The following ABCC9 variants were observed in gnomAD, a reference collection of about 807,000 sequenced individuals.
The protein encoded by ABCC9 is ATP binding cassette subfamily C member 9.
ABCC9 carries 95 observed loss-of-function variants against 188.3 expected under a neutral mutation model. The observed-to-expected ratio is 0.50, with a 90% CI of 0.43 to 0.60. The LOEUF (loss-of-function observed/expected upper bound fraction) is 0.60, where lower values mean the gene tolerates loss of function less well. Among genes scored for constraint, ABCC9 ranks in the 20% least tolerant of loss-of-function variants. The pLI, the probability that ABCC9 is intolerant of heterozygous loss-of-function variation, is 0.00. For synonymous variants in ABCC9, 659 were observed against 652.7 expected (o/e 1.01, Z -0.15); for missense variants, 1,102 against 1,876.3 (o/e 0.59, Z 7.62).
chr12:21,904,142 G>A, intron 12 of ABCC9, among the ~76,000 whole-genome samples: 1 of 148,292 alleles, frequency 6.7e-6, no homozygotes, highest in Non-Finnish European at 1.5e-5. Context: ...GCAACCATCT[G>A]ATCTTTGACA....
chr12:21,879,861 A>G (rs182798189), intron 16 of ABCC9, among the ~76,000 whole-genome samples: 29 of 152,180 alleles, frequency 1.9e-4, no homozygotes, highest in African/African-American at 7.0e-4. Flanking sequence ...AGGAAAAAAA[A>G]TCCAGTTATA....
At chr12:21,826,842 C>A (rs1268232665) in intron 31 of ABCC9, among the ~76,000 whole-genome samples, 1 of 152,026 alleles carries the variant, frequency 6.6e-6, no homozygotes, top group African/African-American at 2.4e-5. Flanking sequence ...ATATCTTTGC[C>A]CATCGGAAAT....
chr12:21,807,599 G>A (rs1469752336), intron 37 of ABCC9, 120 bp from the exon 38 acceptor site: 6 of 1,358,650 alleles, frequency 4.4e-6, no homozygotes, highest in Non-Finnish European at 6.2e-6. Context: ...CTTAGTGCTG[G>A]TGCAAGGACT....
chr12:21,876,192 AAGG>A (rs1278781842), intron 16 of ABCC9, among the ~76,000 whole-genome samples: 3 of 152,214 alleles, frequency 2.0e-5, no homozygotes, highest in African/African-American at 2.4e-5. Context: ...ATGAAAGTGA[AAGG>A]AGGGTCTTTA....
At chr12:21,825,768 T>C (rs1274443125) in intron 31 of ABCC9, among the ~76,000 whole-genome samples, 1 of 152,160 alleles carries the variant, frequency 6.6e-6, no homozygotes, top group African/African-American at 2.4e-5. Context: ...GTTCTGCGTA[T>C]GTATCCCAGA....
chr12:21,933,663 G>T (rs1485909089), intron 4 of ABCC9, 119 bp downstream of exon 4: 2 of 1,161,190 alleles, frequency 1.7e-6, no homozygotes, highest in African/African-American at 1.5e-5. Context: ...GAGCTACATG[G>T]ATCAGAGAGC....
chr12:21,802,709 G>A (rs1941541674), intron 39 of ABCC9, among the ~76,000 whole-genome samples: 1 of 152,096 alleles, frequency 6.6e-6, no homozygotes, highest in South Asian at 2.1e-4. Flanking sequence ...TGTGCTGATG[G>A]GAGTCCCTGT....
chr12:21,831,047 C>T (rs1247033506), intron 30 of ABCC9: 8 of 150,494 alleles, frequency 5.3e-5, no homozygotes, highest in South Asian at 2.1e-4. Flanking sequence ...TACACACACG[C>T]AAGGCTCATT....
intron 19 of ABCC9, among the ~76,000 whole-genome samples, chr12:21,863,795 C>A (rs1592100603): frequency 6.6e-6 from 1 of 152,012 alleles, no homozygotes; most frequent in African/African-American, 2.4e-5. Context: ...ACAGTTAGTT[C>A]ATGATCTGTA....
At chr12:21,857,656 G>A (rs111385364) in intron 22 of ABCC9, among the ~76,000 whole-genome samples, 11 of 152,176 alleles carry the variant, frequency 7.2e-5, no homozygotes, top group African/African-American at 1.7e-4. Flanking sequence ...AAACTTTCCC[G>A]GCTGTGAAGA....
At chr12:21,939,239 C>CT (rs750299367) in intron 2 of ABCC9, among the ~76,000 whole-genome samples, 4 of 152,106 alleles carry the variant, frequency 2.6e-5, no homozygotes, top group African/African-American at 4.8e-5. Flanking sequence ...TGTGCATTAC[C>CT]TTACCGCATG....
At position 21,805,080 on chromosome 12, in the gene ABCC9, C is replaced by T. The variant is rs565650651; in HGVS notation, c.4512+918G>A. On this transcript the variant is annotated intron_variant, in intron 39 of 39. Coordinates refer to ENST00000261200, the MANE Select transcript of ABCC9 (RefSeq NM_020297.4). ...GTTAGTTCCCTCATCTCAGCCCTTC[C>T]CTTTATTCACAGCATTAGCCATGCC... The T allele has an allele frequency of 4.1e-5, 65 of 1,572,880 alleles. No individual in the cohort carries two copies. The African/African-American group carries it at 6.5e-4, about 16-fold the overall frequency.
chr12:21,939,165 G>C (rs550229104), intron 2 of ABCC9, among the ~76,000 whole-genome samples: 1 of 152,116 alleles, frequency 6.6e-6, no homozygotes, highest in Non-Finnish European at 1.5e-5. Flanking sequence ...TACAGTAAAC[G>C]CTTTAGAACG....
intron 18 of ABCC9, among the ~76,000 whole-genome samples, chr12:21,867,268 A>T (rs3782668): frequency 6.6e-6 from 1 of 151,920 alleles, no homozygotes; most frequent in Non-Finnish European, 1.5e-5. Flanking sequence ...GTGGAAGGTT[A>T]TATAATTTCT....
intron 31 of ABCC9, among the ~76,000 whole-genome samples, chr12:21,826,847 G>A (rs986277814): frequency 3.3e-5 from 5 of 152,202 alleles, no homozygotes; most frequent in Admixed American, 1.3e-4. Flanking sequence ...TTTGCCCATC[G>A]GAAATGAAAA....
Position 21,887,835 on chromosome 12 carries a change from G to A in ABCC9, c.1902C>T (p.His634=), listed in dbSNP as rs753627514. The change falls in exon 15 of 40, where the codon CAC becomes CAT. Residue 634 remains histidine, a synonymous_variant. Transcript: ENST00000261200. ...AAAATAAAGCACTTACAACTCCAGT[G>A]TGCTTCTTACAGGACTCAAAAGGAA... ...SSLPFESCKK[H]TGVQPKTINR... The A allele has an allele frequency of 1.2e-6, 2 of 1,610,386 alleles. No homozygotes were observed. Among genetic ancestry groups the A allele is most frequent in the Non-Finnish European group, 1.7e-6 (2 of 1,176,742 alleles).
chr12:21,850,785 C>A (rs981148744), intron 24 of ABCC9, among the ~76,000 whole-genome samples: 8 of 152,030 alleles, frequency 5.3e-5, no homozygotes, highest in Admixed American at 3.3e-4. Flanking sequence ...TTGGAGTTAT[C>A]CCCGGTACGT....
intron 26 of ABCC9, 90 bp downstream of exon 26, chr12:21,845,513 G>T (rs577641863): frequency 3.1e-6 from 3 of 968,968 alleles, no homozygotes; most frequent in Non-Finnish European, 3.2e-6. Context: ...TATGGCATTT[G>T]GGATATAAGC....
At chr12:21,906,005 AAAAT>A in intron 12 of ABCC9, 117 bp downstream of exon 12, 1 of 1,170,290 alleles carries the variant, frequency 8.5e-7, no homozygotes, top group Non-Finnish European at 1.3e-6. Flanking sequence ...ACGTGTTTAG[AAAAT>A]AAATAGGTGT....
Sources: gnomAD v4.1 joint callset for allele counts (sites outside exome capture counted in the v4.1 genomes callset) on GRCh38, gnomAD v4.1.1 for gene constraint, MANE v1.5 for transcripts, NCBI Gene and HGNC (gene_info 2026-07-23, HGNC 2026-07-21) for gene names.